Variants in TRAPPC9 observed in about 807,000 individuals in gnomAD.
TRAPPC9 encodes the protein trafficking protein particle complex subunit 9, also known as IKK2 binding protein.
TRAPPC9 carries 83 observed loss-of-function variants against 124.0 expected under a neutral mutation model. The ratio of observed to expected loss-of-function variants is 0.67; its 90% CI spans 0.56 to 0.80. TRAPPC9 has a LOEUF of 0.80. TRAPPC9 is among the 30% of genes least tolerant of loss of function. TRAPPC9 has a pLI of 0.00. For missense variants in TRAPPC9, 1,302 were observed against 1,508.3 expected, an observed-to-expected ratio of 0.86 and a Z score of 2.27; for synonymous variants, 638 against 617.5, an observed-to-expected ratio of 1.03 and a Z score of -0.49.
intron 18 of TRAPPC9, among the ~76,000 whole-genome samples, chr8:140,021,195 A>G (rs545938790): frequency 2.0e-4 from 31 of 152,136 alleles, no homozygotes; most frequent in Middle Eastern, 6.8e-3. Flanking sequence ...TTCTTTCTTG[A>G]TACCTCTTCC....
At chr8:140,214,808 G>C (rs899920026) in intron 17 of TRAPPC9, among the ~76,000 whole-genome samples, 1 of 152,096 alleles carries the variant, frequency 6.6e-6, no homozygotes. Flanking sequence ...CTAAATGGAG[G>C]AAGGCATCTT....
chr8:140,372,470 G>A (rs74927297), intron 7 of TRAPPC9, among the ~76,000 whole-genome samples: 537 of 152,100 alleles, frequency 3.5e-3, no homozygotes, highest in Non-Finnish European at 5.8e-3. Flanking sequence ...ACCACCTCTC[G>A]ACCTTCCTTC....
chr8:140,094,562 C>G (rs1376718939), intron 17 of TRAPPC9, among the ~76,000 whole-genome samples: 1 of 152,216 alleles, frequency 6.6e-6, no homozygotes, highest in Non-Finnish European at 1.5e-5. Context: ...TGTAACCCAA[C>G]ACAACTGGTA....
intron 9 of TRAPPC9, among the ~76,000 whole-genome samples, chr8:140,322,998 C>T (rs1318355520): frequency 6.6e-6 from 1 of 152,192 alleles, no homozygotes; most frequent in Non-Finnish European, 1.5e-5. Flanking sequence ...CAAAGGCTGG[C>T]AGTCCCCAGG....
chr8:140,037,690 C>G (rs1354990823), intron 17 of TRAPPC9, among the ~76,000 whole-genome samples: 3 of 148,082 alleles, frequency 2.0e-5, no homozygotes, highest in African/African-American at 4.9e-5. Flanking sequence ...CACACACATC[C>G]CACACACGTA....
rs368480588 is a variant in TRAPPC9, at chr8:139,977,617, C to CAA, written c.2810+11107_2810+11108dup. Among the ~76,000 whole-genome samples the CAA allele has an allele frequency of 2.6e-3, 286 of 111,886 alleles. 6 individuals are homozygous for CAA. The highest frequency in any genetic ancestry group is 6.6e-3 in the African/African-American group (198 of 29,992). 73.4% of individuals were successfully genotyped at this position (111,886 alleles called of 152,430 possible). On this transcript the variant is annotated intron_variant, in intron 19 of 22. Transcript: ENST00000438773. The stretch of plus-strand genomic sequence containing the variant: ...TGGGCGACAGAGTGAGACTCTGTCT[C>CAA]AAAAAAAAAAAAAAAATGCTGAATA...
chr8:139,894,954 T>C (rs775320264), intron 20 of TRAPPC9, among the ~76,000 whole-genome samples: 5 of 152,164 alleles, frequency 3.3e-5, no homozygotes, highest in African/African-American at 7.2e-5. Flanking sequence ...CTGAGCCATG[T>C]TGGGCACTAC....
chr8:140,025,572 A>G (rs1484533670), intron 17 of TRAPPC9, among the ~76,000 whole-genome samples: 3 of 152,088 alleles, frequency 2.0e-5, no homozygotes, highest in South Asian at 4.1e-4. Flanking sequence ...ATGCAAAAAA[A>G]AAAAAAAAGA....
intron 17 of TRAPPC9, among the ~76,000 whole-genome samples, chr8:140,172,937 A>G (rs576742785): frequency 6.6e-6 from 1 of 152,224 alleles, no homozygotes; most frequent in East Asian, 1.9e-4. Flanking sequence ...CCAGTGTAGA[A>G]TGAAATGGAG....
chr8:139,754,494 G>A (rs540201861), intron 21 of TRAPPC9, among the ~76,000 whole-genome samples: 4 of 152,304 alleles, frequency 2.6e-5, no homozygotes, highest in East Asian at 1.9e-4. Flanking sequence ...GGGTGCTGCC[G>A]TGACCGAGAT....
At chr8:139,780,248 CT>C (rs1227138507) in intron 21 of TRAPPC9, among the ~76,000 whole-genome samples, 1 of 152,206 alleles carries the variant, frequency 6.6e-6, no homozygotes, top group African/African-American at 2.4e-5. Flanking sequence ...TGACACTACC[CT>C]ATGTTAAGCC....
intron 17 of TRAPPC9, among the ~76,000 whole-genome samples, chr8:140,194,161 T>C (rs1477712232): frequency 1.3e-5 from 2 of 152,144 alleles, no homozygotes; most frequent in African/African-American, 4.8e-5. Context: ...CTCCTTAGTA[T>C]GGCAAAGGCC....
chr8:140,314,415 C>T (rs771947794), intron 9 of TRAPPC9, among the ~76,000 whole-genome samples: 7 of 152,266 alleles, frequency 4.6e-5, no homozygotes, highest in Non-Finnish European at 8.8e-5. Context: ...GGGTCATCAG[C>T]GTATCCACTG....
chr8:140,254,221 C>T (rs137958635), intron 15 of TRAPPC9, among the ~76,000 whole-genome samples: 244 of 152,350 alleles, frequency 1.6e-3, no homozygotes, highest in African/African-American at 5.6e-3. Flanking sequence ...CTCAGCCAGG[C>T]AGGTTTCCAG....
intron 21 of TRAPPC9, among the ~76,000 whole-genome samples, chr8:139,852,736 T>A (rs1827564209): frequency 6.6e-6 from 1 of 152,242 alleles, no homozygotes; most frequent in African/African-American, 2.4e-5. Flanking sequence ...CTCTGTTCTA[T>A]GAGGTTACAC....
At position 139,788,828 on chromosome 8, in the gene TRAPPC9, G is replaced by A. The variant is rs1822458459; in HGVS notation, c.3056-56626C>T. Among the ~76,000 whole-genome samples, 1 of 152,214 alleles carries A rather than the reference G, an allele frequency of 6.6e-6. No individual in the cohort carries two copies. On this transcript the variant is annotated intron_variant, in intron 21 of 22. Coordinates refer to ENST00000438773, the MANE Select transcript of TRAPPC9 (RefSeq NM_001160372.4). This position sits in a 1 kb window ranked among gnomAD's most constrained non-coding sequence, Gnocchi z 4.9. ...GCCAGCTGCCTTCACAAGAGGTGTG[G>A]TGGGGGGCTTTCAGAAACAAAACAA... is the stretch of plus-strand genomic sequence containing the variant.
intron 17 of TRAPPC9, chr8:140,096,917 G>T (rs1043311019): frequency 2.6e-5 from 4 of 152,548 alleles, no homozygotes; most frequent in South Asian, 2.1e-4. Flanking sequence ...GAGAAGTCAA[G>T]AAGAATGTGT....
intron 17 of TRAPPC9, among the ~76,000 whole-genome samples, chr8:140,168,532 G>A (rs1352200763): frequency 6.6e-6 from 1 of 152,108 alleles, no homozygotes; most frequent in Non-Finnish European, 1.5e-5. Context: ...CTCTCACTTA[G>A]CCTGTTCTCA....
At chr8:140,120,722 T>A (rs2060970123) in intron 17 of TRAPPC9, among the ~76,000 whole-genome samples, 1 of 149,334 alleles carries the variant, frequency 6.7e-6, no homozygotes, top group Non-Finnish European at 1.5e-5. Context: ...CAACCGTCCA[T>A]CCATCCATCC....
Sources: gnomAD v4.1 joint callset for allele counts (sites outside exome capture counted in the v4.1 genomes callset) on GRCh38, gnomAD v4.1.1 for gene constraint, Gnocchi (gnomAD v3.1) non-coding constraint, MANE v1.5 for transcripts, NCBI Gene and HGNC (gene_info 2026-07-23, HGNC 2026-07-21) for gene names.